The following PRDM16 variants were observed in gnomAD, a reference collection of about 807,000 sequenced individuals.
The protein encoded by PRDM16 is PR/SET domain 16.
PRDM16 carries 23 observed loss-of-function variants against 110.6 expected under a neutral mutation model. The observed-to-expected ratio is 0.21, with a 90% CI of 0.15 to 0.29. The LOEUF (loss-of-function observed/expected upper bound fraction) is 0.29, where lower values mean the gene tolerates loss of function less well. Ranked by LOEUF, PRDM16 falls within the 10% of genes least tolerant of loss-of-function variation. PRDM16 has a pLI of 1.00. For synonymous variants in PRDM16, 799 were observed against 781.8 expected, an observed-to-expected ratio of 1.02 and a Z score of -0.37; for missense variants, 1,615 against 1,794.3, an observed-to-expected ratio of 0.90 and a Z score of 1.81.
intron 2 of PRDM16, among the ~76,000 whole-genome samples, chr1:3,214,167 T>G: frequency 6.6e-6 from 1 of 152,058 alleles, no homozygotes; most frequent in African/African-American, 2.4e-5. Context: ...ATGGAGAAAA[T>G]GGTTTTCCTT....
chr1:3,212,726 T>G (rs1392489279), intron 2 of PRDM16, among the ~76,000 whole-genome samples: 1 of 152,066 alleles, frequency 6.6e-6, no homozygotes, highest in Non-Finnish European at 1.5e-5. Flanking sequence ...TCACACAAAC[T>G]GAGATGGGGA....
At chr1:3,295,249 A>T (rs1641061649) in intron 3 of PRDM16, among the ~76,000 whole-genome samples, 1 of 152,200 alleles carries the variant, frequency 6.6e-6, no homozygotes, top group Admixed American at 6.5e-5. Context: ...GGCGGGCAGG[A>T]CAGCTGGCTT....
chr1:3,242,234 C>T (rs1031872402), intron 2 of PRDM16, among the ~76,000 whole-genome samples: 5 of 152,210 alleles, frequency 3.3e-5, no homozygotes, highest in Admixed American at 6.5e-5. Flanking sequence ...CCTGTGACTC[C>T]GCCGCAAATG....
At chr1:3,224,217 T>C (rs1639234479) in intron 2 of PRDM16, among the ~76,000 whole-genome samples, 1 of 152,132 alleles carries the variant, frequency 6.6e-6, no homozygotes, top group East Asian at 1.9e-4. Context: ...GGAACACAAT[T>C]AAATGCTGCG....
intron 1 of PRDM16, among the ~76,000 whole-genome samples, chr1:3,126,520 C>CTGCG (rs1156997426): frequency 1.3e-5 from 2 of 152,298 alleles, no homozygotes; most frequent in African/African-American, 4.8e-5. Flanking sequence ...CCAGACCCTG[C>CTGCG]TGCGGTTCCT....
intron 1 of PRDM16, among the ~76,000 whole-genome samples, chr1:3,134,073 G>A (rs1643388109): frequency 6.6e-6 from 1 of 152,212 alleles, no homozygotes; most frequent in African/African-American, 2.4e-5. Context: ...TGTCACGAGT[G>A]GGAGACCTGG....
chr1:3,100,450 T>C (rs372928688), intron 1 of PRDM16, among the ~76,000 whole-genome samples: 2 of 152,082 alleles, frequency 1.3e-5, no homozygotes, highest in Non-Finnish European at 2.9e-5. Flanking sequence ...TAGGACATGA[T>C]GGCTGGGGTG....
chr1:3,152,821 C>T (rs941375663), intron 1 of PRDM16, among the ~76,000 whole-genome samples: 7 of 152,192 alleles, frequency 4.6e-5, no homozygotes, highest in Non-Finnish European at 8.8e-5. Context: ...AGGAGGTCCC[C>T]GTCCTCAGGC....
At chr1:3,269,668 T>G (rs1215641796) in intron 3 of PRDM16, among the ~76,000 whole-genome samples, 1 of 86,444 alleles carries the variant, frequency 1.2e-5, no homozygotes, top group Non-Finnish European at 2.0e-5. Context: ...AGGAGGACAG[T>G]CCCAGAGTAG....
chr1:3,073,290 C>T (rs1248383928), intron 1 of PRDM16, among the ~76,000 whole-genome samples: 2 of 152,178 alleles, frequency 1.3e-5, no homozygotes, highest in Non-Finnish European at 2.9e-5. Context: ...CGATTAGCCC[C>T]CTGTTTTATT....
At position 3,144,579 on chromosome 1, in the gene PRDM16, ACT is replaced by A. The variant is rs527869140; in HGVS notation, c.38-41541_38-41540del. On this transcript the variant is annotated intron_variant, in intron 1 of 16. Coordinates refer to ENST00000270722, the MANE Select transcript of PRDM16 (RefSeq NM_022114.4). ...TGGCCATGAGCTGTGTGAAGCCCTC[ACT>A]CTCTGTACCTGCCAGTTGTAGACCC... Among the ~76,000 whole-genome samples, 13 of 151,976 alleles carry A rather than the reference ACT, an allele frequency of 8.6e-5. No individual in the cohort carries two copies. In the East Asian group the frequency reaches 2.5e-3, roughly 29 times the overall value.
intron 1 of PRDM16, among the ~76,000 whole-genome samples, chr1:3,098,795 A>C (rs1213720386): frequency 6.6e-6 from 1 of 152,142 alleles, no homozygotes; most frequent in Admixed American, 6.5e-5. Context: ...AGCCCTGCAG[A>C]GCTGGCTGCC....
Position 3,374,416 on chromosome 1 carries a change from G to A in PRDM16, c.439-10736G>A, listed in dbSNP as rs553887297. On this transcript the variant is annotated intron_variant, in intron 3 of 16. Coordinates refer to ENST00000270722, the MANE Select transcript of PRDM16 (RefSeq NM_022114.4). ...AGTTTATACACAACTTTTCAGAGGC[G>A]AAACATACCTAAGCTACTCCCAACA... Among the ~76,000 whole-genome samples the A allele has an allele frequency of 8.5e-5, 13 of 152,206 alleles. No homozygotes were observed. The South Asian group carries it at 1.0e-3, about 12-fold the overall frequency.
At chr1:3,331,294 G>GC (rs151213349) in intron 3 of PRDM16, among the ~76,000 whole-genome samples, 11,576 of 151,276 alleles carry the variant, frequency 0.077, 550 homozygotes, top group East Asian at 0.18. Flanking sequence ...GAGAAAGGCA[G>GC]CCCCCCCCCG....
chr1:3,384,160 C>T (rs1438249644), intron 3 of PRDM16, among the ~76,000 whole-genome samples: 2 of 152,054 alleles, frequency 1.3e-5, no homozygotes, highest in Non-Finnish European at 2.9e-5. Context: ...CACCCATATG[C>T]ACCTGTCCAG....
At chr1:3,292,356 T>C (rs533240326) in intron 3 of PRDM16, among the ~76,000 whole-genome samples, 1 of 152,252 alleles carries the variant, frequency 6.6e-6, no homozygotes, top group South Asian at 2.1e-4. Context: ...CCCCTGGGAA[T>C]CAAAGTGGTG....
intron 3 of PRDM16, among the ~76,000 whole-genome samples, chr1:3,331,597 G>A (rs774254617): frequency 6.6e-5 from 10 of 152,166 alleles, no homozygotes; most frequent in East Asian, 3.9e-4. Context: ...GCCAGATCCC[G>A]GAAAGGAAAC....
At chr1:3,394,151 G>T (rs993193261) in intron 4 of PRDM16, among the ~76,000 whole-genome samples, 1 of 152,096 alleles carries the variant, frequency 6.6e-6, no homozygotes, top group East Asian at 1.9e-4. Context: ...CTTCCGCAGC[G>T]CCGCGGATCA....
At position 3,404,901 on chromosome 1, in the gene PRDM16, G is replaced by A. The variant is rs757603329; in HGVS notation, c.1032+15G>A. The A allele has an allele frequency of 2.0e-5, 33 of 1,610,918 alleles. 1 individual carries two copies. Among genetic ancestry groups the A allele is most frequent in the South Asian group, 2.0e-4 (18 of 90,866 alleles). ...ACTGCGTGAAGGTAACCTGCGGGGC[G>A]GCCCCGTCTCAGCCCCGGGGCAGCA... On this transcript the variant is annotated intron_variant, in intron 7 of 16. Transcript: ENST00000270722.
Sources: allele counts gnomAD v4.1 joint callset (sites outside exome capture counted in the v4.1 genomes callset), GRCh38; gene constraint gnomAD v4.1.1; transcripts MANE v1.5; gene names NCBI Gene and HGNC (gene_info 2026-07-23, HGNC 2026-07-21).